The following VEGFD variants were observed in gnomAD, a reference collection of about 807,000 sequenced individuals.
The protein encoded by VEGFD is c-fos induced growth factor (vascular endothelial growth factor D).
A neutral mutation model predicts 28.0 loss-of-function variants in VEGFD; 26 were observed. The ratio of observed to expected loss-of-function variants is 0.93; its 90% CI spans 0.68 to 1.29. VEGFD has a LOEUF of 1.29. Among genes scored for constraint, VEGFD ranks in the 50% most tolerant of loss-of-function variants. The probability of loss-of-function intolerance (pLI) is 0.00; values close to 1 mark genes in which losing one functional copy is unlikely to be tolerated. For missense variants in VEGFD, 294 were observed against 273.4 expected, an observed-to-expected ratio of 1.08 and a Z score of -0.53; for synonymous variants, 93 against 95.5, an observed-to-expected ratio of 0.97 and a Z score of 0.15.
intron 1 of VEGFD, among the ~76,000 whole-genome samples, chrX:15,379,620 A>T (rs958404425): frequency 1.8e-5 from 2 of 112,095 alleles, no homozygotes; most frequent in African/African-American, 6.5e-5. Flanking sequence ...TCCCAATTAT[A>T]TACAGTTTCC....
At chrX:15,353,600 C>T (rs777736408) in intron 4 of VEGFD, among the ~76,000 whole-genome samples, 2 of 111,178 alleles carry the variant, frequency 1.8e-5, no homozygotes, top group Non-Finnish European at 3.8e-5. Context: ...ATTAGCCGGG[C>T]GTGGCGGCAC....
At chrX:15,347,402 G>A (rs747216018) in intron 5 of VEGFD, 43 bp from the exon 6 acceptor site, 5 of 1,037,017 alleles carry the variant, frequency 4.8e-6, no homozygotes, top group Admixed American at 5.2e-5. Flanking sequence ...GTTGTAGTGT[G>A]GCAATTGGAT....
chrX:15,351,199 T>C (rs1172756073), intron 5 of VEGFD, among the ~76,000 whole-genome samples: 1 of 94,368 alleles, frequency 1.1e-5, no homozygotes, highest in African/African-American at 3.9e-5. Flanking sequence ...CACTGCAAGC[T>C]CCGCCTCCCG....
chrX:15,357,250 A>T (rs1350454899), intron 3 of VEGFD, among the ~76,000 whole-genome samples: 2 of 111,845 alleles, frequency 1.8e-5, no homozygotes, highest in Non-Finnish European at 3.8e-5. Flanking sequence ...AATTATTTCC[A>T]AATGTCTTTT....
intron 1 of VEGFD, among the ~76,000 whole-genome samples, chrX:15,374,304 C>G (rs1354786089): frequency 8.9e-6 from 1 of 111,764 alleles, no homozygotes; most frequent in Non-Finnish European, 1.9e-5. Context: ...TCACAATAGC[C>G]AAAAAACTAG....
intron 1 of VEGFD, among the ~76,000 whole-genome samples, chrX:15,376,592 G>A (rs777171621): frequency 4.5e-5 from 5 of 111,612 alleles, no homozygotes; most frequent in Non-Finnish European, 9.4e-5. Context: ...CTATGCCAGC[G>A]GCAGTCAGCC....
Position 15,358,111 on chromosome X carries a change from G to C in VEGFD, c.384C>G (p.Thr128=). ...CACAAGGGGGCTTGAAGAATGTGTT[G>C]GTACTCTTCCCCAGCTCACTGGCCA... ...VEVASELGKS[T]NTFFKPPCVN... Residue 128 remains threonine (T), a synonymous_variant, in exon 3 of 7, where the codon ACC becomes ACG. Transcript: ENST00000297904. The C allele has an allele frequency of 8.3e-7, 1 of 1,211,040 alleles. No individual in the cohort carries two copies.
At chrX:15,368,104 GAAGGAAAGAAAGA>G (rs201451866) in intron 1 of VEGFD, among the ~76,000 whole-genome samples, 1,335 of 100,075 alleles carry the variant, frequency 0.013, 31 homozygotes, top group African/African-American at 0.033. Context: ...AGAAAGAAAA[GAAGGAAAGAAAGA>G]AAGGAGAGAA....
In VEGFD at chrX:15,346,110, G is replaced by A. The variant is rs186633943; in HGVS notation, c.*23C>T. 51 of 1,204,528 alleles carry A rather than the reference G, an allele frequency of 4.2e-5. 1 individual carries two copies. In the Admixed American group the frequency reaches 5.4e-4, roughly 13 times the overall value. ...GCAGCATGCTGTTAAAAATGACAGGGATGGGGAACTTGGAACGCTGAATCA... is the reference window on the plus strand; with the variant it reads ...GCAGCATGCTGTTAAAAATGACAGGAATGGGGAACTTGGAACGCTGAATCA... On this transcript the variant is annotated 3_prime_UTR_variant, in exon 7 of 7. Transcript: ENST00000297904.
intron 1 of VEGFD, among the ~76,000 whole-genome samples, chrX:15,364,387 GA>G (rs1923095151): frequency 9.0e-6 from 1 of 110,872 alleles, no homozygotes; most frequent in South Asian, 3.7e-4. Context: ...GGGTTTGTAA[GA>G]AAAAAAAGAC....
chrX:15,360,648 T>G (rs1922991463), intron 2 of VEGFD, among the ~76,000 whole-genome samples: 1 of 111,955 alleles, frequency 8.9e-6, no homozygotes, highest in African/African-American at 3.2e-5. Context: ...CCAAGAAACC[T>G]TTTTAAAAAT....
intron 2 of VEGFD, among the ~76,000 whole-genome samples, chrX:15,359,483 C>T (rs1414455556): frequency 2.8e-5 from 3 of 106,370 alleles, no homozygotes; most frequent in South Asian, 4.4e-4. Flanking sequence ...CCCGTCAACC[C>T]GTCATCTAGG....
chrX:15,369,162 A>G (rs1316438334), intron 1 of VEGFD, among the ~76,000 whole-genome samples: 1 of 111,629 alleles, frequency 9.0e-6, no homozygotes, highest in Non-Finnish European at 1.9e-5. Flanking sequence ...GGAAAGGTAT[A>G]GTGGTGGGGT....
At chrX:15,361,523 C>T (rs1386280309) in intron 2 of VEGFD, among the ~76,000 whole-genome samples, 3 of 112,300 alleles carry the variant, frequency 2.7e-5, no homozygotes, top group Non-Finnish European at 1.9e-5. Flanking sequence ...GCACAGCTCT[C>T]CCCACAGCCA....
At chrX:15,354,518 A>T (rs1922817008) in intron 4 of VEGFD, among the ~76,000 whole-genome samples, 1 of 110,934 alleles carries the variant, frequency 9.0e-6, no homozygotes, top group Admixed American at 9.6e-5. Flanking sequence ...GTTACCCTTT[A>T]CTTGTTTCTT....
chrX:15,368,107 GGAAAGAAAGAAAGGAGAGAAAGA>G (rs1408760638), intron 1 of VEGFD, among the ~76,000 whole-genome samples: 5 of 82,991 alleles, frequency 6.0e-5, no homozygotes, highest in Non-Finnish European at 9.5e-5. Context: ...AAGAAAAGAA[GGAAAGAAAGAAAGGAGAGAAAGA>G]GAAAGAAAGA....
rs1490636532 is a variant in VEGFD at position 15,358,064 on chromosome X, C to T, written c.431G>A (p.Gly144Asp). The change falls in exon 3 of 7, where the codon GGC (glycine) becomes GAC (aspartate). Residue 144 changes from glycine (G) to aspartate (D), a missense_variant. Coordinates refer to ENST00000297904, the MANE Select transcript of VEGFD (RefSeq NM_004469.5). ...GATAAGGCTCTCTTCATTGCAACAG[C>T]CACCACATCGGAACACGTTCACACA... Reference protein sequence around the residue: ...PPCVNVFRCGGCCNEESLICM... With the variant: ...PPCVNVFRCGDCCNEESLICM... 3.3e-6 allele frequency: 4 copies of T among 1,210,032 alleles called. No individual in the cohort carries two copies. The African/African-American group carries it at 7.0e-5, about 21-fold the overall frequency.
intron 5 of VEGFD, among the ~76,000 whole-genome samples, chrX:15,351,177 G>A (rs1203813056): frequency 2.3e-5 from 2 of 88,848 alleles, no homozygotes; most frequent in African/African-American, 8.4e-5. Context: ...GTGCAGTGGC[G>A]GGATCTCGGC....
At chrX:15,374,134 C>T (rs1336584475) in intron 1 of VEGFD, among the ~76,000 whole-genome samples, 1 of 112,283 alleles carries the variant, frequency 8.9e-6, no homozygotes, top group Admixed American at 9.5e-5. Flanking sequence ...TCAAAACTGG[C>T]TTTGAATGGT....
Sources: allele counts gnomAD v4.1 joint callset (sites outside exome capture counted in the v4.1 genomes callset), GRCh38; gene constraint gnomAD v4.1.1; transcripts MANE v1.5; gene names NCBI Gene and HGNC (gene_info 2026-07-23, HGNC 2026-07-21).